Variants in ZDHHC2 observed in about 807,000 individuals in gnomAD.
ZDHHC2 encodes the protein palmitoyltransferase ZDHHC2.
A neutral mutation model predicts 55.6 loss-of-function variants in ZDHHC2; 51 were observed. That is an observed-to-expected ratio of 0.92 (90% CI 0.73 to 1.16). The LOEUF (loss-of-function observed/expected upper bound fraction) is 1.16. Among genes scored for constraint, ZDHHC2 ranks in the 50% most tolerant of loss-of-function variants. The pLI is 0.00. For missense variants in ZDHHC2, 491 were observed against 442.4 expected (o/e 1.11, Z -0.99); for synonymous variants, 199 against 152.9 (o/e 1.30, Z -2.22).
intron 8 of ZDHHC2, 145 bp from the exon 9 acceptor site, chr8:17,209,787 G>T: frequency 2.4e-6 from 2 of 825,020 alleles, no homozygotes; most frequent in Non-Finnish European, 3.5e-6. Context: ...TATATTTCAG[G>T]GCTGTTGACA....
chr8:17,184,653 A>G, intron 1 of ZDHHC2, 136 bp from the exon 2 acceptor site: 2 of 741,056 alleles, frequency 2.7e-6, no homozygotes, highest in South Asian at 4.3e-5. Flanking sequence ...TCCTCCAAAT[A>G]AAGTTGAATA....
intron 1 of ZDHHC2, among the ~76,000 whole-genome samples, chr8:17,164,801 T>A (rs1252773883): frequency 6.6e-6 from 1 of 152,178 alleles, no homozygotes; most frequent in African/African-American, 2.4e-5. Context: ...GATTACCTAT[T>A]TTCTTATGTA....
chr8:17,215,164 A>G (rs1222178431), intron 10 of ZDHHC2, 73 bp from the exon 11 acceptor site: 4 of 1,393,140 alleles, frequency 2.9e-6, no homozygotes, highest in Non-Finnish European at 3.9e-6. Context: ...GGTTCCATAC[A>G]TTGAGAAACA....
intron 3 of ZDHHC2, among the ~76,000 whole-genome samples, chr8:17,191,318 A>C (rs1414124429): frequency 6.6e-6 from 1 of 152,172 alleles, no homozygotes; most frequent in African/African-American, 2.4e-5. Context: ...GCTGGTATCA[A>C]ACTCCTGACC....
Position 17,191,276 on chromosome 8 carries a change from T to G in ZDHHC2, c.253-4228T>G, listed in dbSNP as rs535295763. On this transcript the variant is annotated intron_variant, in intron 3 of 12. Transcript: ENST00000262096. ...CACCTGGCCCAAATTTTTGTATTTTTAATAGAGATGGGGTTTCGCCATGTT... is the reference window on the plus strand; with the variant it reads ...CACCTGGCCCAAATTTTTGTATTTTGAATAGAGATGGGGTTTCGCCATGTT... Among the ~76,000 whole-genome samples the G allele has an allele frequency of 5.1e-3, 782 of 152,268 alleles. 3 individuals carry two copies. Among genetic ancestry groups the G allele is most frequent in the Non-Finnish European group, 8.5e-3 (579 of 68,010 alleles).
chr8:17,217,009 G>A (rs1008036859), intron 11 of ZDHHC2, among the ~76,000 whole-genome samples, 163 bp from the exon 12 acceptor site: 2 of 151,902 alleles, frequency 1.3e-5, no homozygotes, highest in African/African-American at 4.8e-5. Flanking sequence ...ACTGTATAAC[G>A]GGTGTGTGTG....
Position 17,156,593 on chromosome 8 carries a change from C to A in ZDHHC2, c.-131C>A. 2 of 621,520 alleles carry A rather than the reference C, an allele frequency of 3.2e-6. No individual in the cohort carries two copies. The highest frequency in any genetic ancestry group is 2.0e-6 in the Non-Finnish European group (1 of 492,090). The allele number at this position is 621,520 out of a possible 1,614,324, so 38.5% of individuals were successfully genotyped here. On this transcript the variant is annotated 5_prime_UTR_variant, in exon 1 of 13. Transcript: ENST00000262096. ...GGATGGGGAGTTAGCGCCACGGCGG[C>A]GGCAGTGGCCGCAGCGCACCCCGCC... is the stretch of plus-strand genomic sequence containing the variant.
chr8:17,193,585 AG>A (rs1013559351), intron 3 of ZDHHC2, among the ~76,000 whole-genome samples: 1 of 152,228 alleles, frequency 6.6e-6, no homozygotes. Context: ...TGCAGTCAGT[AG>A]GTAGCAAAGT....
At chr8:17,194,977 T>G (rs1228098151) in intron 3 of ZDHHC2, among the ~76,000 whole-genome samples, 3 of 152,162 alleles carry the variant, frequency 2.0e-5, no homozygotes, top group Admixed American at 2.0e-4. Context: ...ATTTTAAAAT[T>G]AGCTGGGCAA....
intron 4 of ZDHHC2, among the ~76,000 whole-genome samples, chr8:17,196,375 G>A (rs1806308450): frequency 6.6e-6 from 1 of 151,954 alleles, no homozygotes; most frequent in African/African-American, 2.4e-5. Context: ...CAAAGACTTA[G>A]TATGAAAAAT....
chr8:17,202,481 C>T (rs1806840223), intron 6 of ZDHHC2, among the ~76,000 whole-genome samples: 1 of 152,034 alleles, frequency 6.6e-6, no homozygotes, highest in Non-Finnish European at 1.5e-5. Flanking sequence ...AGAAACAGGG[C>T]CAACAGCTGT....
intron 3 of ZDHHC2, among the ~76,000 whole-genome samples, chr8:17,190,951 C>CTTTTTTTTTTTTTTTTTTT (rs10601402): frequency 1.1e-4 from 6 of 52,760 alleles, no homozygotes; most frequent in Non-Finnish European, 1.7e-4. Flanking sequence ...CTTATTCATT[C>CTTTTTTTTTTTTTTTTTTT]TTTTTTTTTT....
At chr8:17,206,240 G>A (rs1807097851) in intron 7 of ZDHHC2, among the ~76,000 whole-genome samples, 1 of 152,190 alleles carries the variant, frequency 6.6e-6, no homozygotes, top group Non-Finnish European at 1.5e-5. Context: ...GTGTGTTATG[G>A]AGAAAATAGG....
At chr8:17,161,639 C>G (rs1021737733) in intron 1 of ZDHHC2, among the ~76,000 whole-genome samples, 3 of 152,156 alleles carry the variant, frequency 2.0e-5, no homozygotes, top group African/African-American at 4.8e-5. Flanking sequence ...GGGAGGATCA[C>G]TTGAGGTCAG....
chr8:17,215,285 C>A lies in ZDHHC2; in HGVS notation c.999C>A (p.Ser333Arg), dbSNP rs1398119240. The A allele has an allele frequency of 1.6e-5, 25 of 1,602,236 alleles. No homozygotes were observed. Among genetic ancestry groups the A allele is most frequent in the East Asian group, 2.2e-5 (1 of 44,534 alleles). The change falls in exon 11 of 13, where the codon AGC becomes AGA. Residue 333 changes from serine (S) to arginine (R), a missense_variant. Coordinates refer to ENST00000262096, the MANE Select transcript of ZDHHC2 (RefSeq NM_016353.5). ...CAAAGCCATTGAGAGAGTCCCAGAG[C>A]CACCTTCTTACTGATTCTCAGTCTT... Reference protein sequence around the residue: ...FPAKPLRESQSHLLTDSQSWT... With the variant: ...FPAKPLRESQRHLLTDSQSWT...
rs1463588817 is a variant in ZDHHC2 at position 17,156,855 on chromosome 8, T to C, written c.130+2T>C. ...CCTACGCCATCCAGCTGTGCATAGG[T>C]GAGTGCGCCCCCCGCCGCGGCGCCC... On this transcript the variant is annotated splice_donor_variant, in intron 1 of 12. Coordinates refer to ENST00000262096, the MANE Select transcript of ZDHHC2 (RefSeq NM_016353.5). LOFTEE classifies it high-confidence loss of function. 1 of 1,494,166 alleles carries C rather than the reference T, an allele frequency of 6.7e-7. No homozygotes were observed. The highest frequency in any genetic ancestry group is 1.3e-5 in the South Asian group (1 of 79,280). The allele number at this position is 1,494,166 out of a possible 1,614,324, so 92.6% of individuals were successfully genotyped here.
chr8:17,198,301 A>G (rs114437970), intron 5 of ZDHHC2, 80 bp from the exon 6 acceptor site: 48,799 of 1,337,944 alleles, frequency 0.036, 1,078 homozygotes, highest in Middle Eastern at 0.067. Flanking sequence ...GTTTGAACTA[A>G]CCATAATTTA....
intron 3 of ZDHHC2, among the ~76,000 whole-genome samples, chr8:17,190,159 A>G (rs1252828361): frequency 6.6e-6 from 1 of 152,038 alleles, no homozygotes; most frequent in East Asian, 1.9e-4. Context: ...CTGATAAAAT[A>G]TATACCAATA....
At chr8:17,202,226 A>G (rs923497682) in intron 6 of ZDHHC2, among the ~76,000 whole-genome samples, 1 of 152,080 alleles carries the variant, frequency 6.6e-6, no homozygotes, top group Non-Finnish European at 1.5e-5. Context: ...TGTTTGTCTC[A>G]TTTTATTTTA....
Sources: allele counts gnomAD v4.1 joint callset (sites outside exome capture counted in the v4.1 genomes callset), GRCh38; gene constraint gnomAD v4.1.1; transcripts MANE v1.5; gene names NCBI Gene and HGNC (gene_info 2026-07-23, HGNC 2026-07-21).